Variants in SLMAP observed in about 807,000 individuals in gnomAD.
The protein encoded by SLMAP is sarcolemmal membrane-associated protein.
SLMAP carries 44 observed loss-of-function variants against 128.8 expected under a neutral mutation model. The ratio of observed to expected loss-of-function variants is 0.34; its 90% confidence interval spans 0.27 to 0.44. The LOEUF is 0.44. Ranked by LOEUF, SLMAP falls within the 20% of genes least tolerant of loss-of-function variation. The pLI, the probability that SLMAP is intolerant of heterozygous loss-of-function variation, is 1.00. For missense variants in SLMAP, 787 were observed against 985.3 expected, an observed-to-expected ratio of 0.80 and a Z score of 2.69; for synonymous variants, 327 against 348.8, an observed-to-expected ratio of 0.94 and a Z score of 0.70.
At position 57,927,481 on chromosome 3, in the gene SLMAP, C is replaced by CTT; in HGVS notation, c.*193_*194insTT. ...ACAGAACCATTTTCTTCCTCTTTAC[C>CTT]TCTTAAAACAGCAGAAGTACAAGAA... On this transcript the variant is annotated 3_prime_UTR_variant, in exon 25 of 25. Transcript: ENST00000671191. 1 of 612,464 alleles carries CTT rather than the reference C, an allele frequency of 1.6e-6. No homozygotes were observed. Among genetic ancestry groups the CTT allele is most frequent in the Middle Eastern group, 4.2e-4 (1 of 2,354 alleles). The allele number at this position is 612,464 out of a possible 1,614,324, so 37.9% of individuals were successfully genotyped here. A position where few individuals can be genotyped will look rare whatever the true frequency, so the allele number is the denominator to read the frequency against.
At chr3:57,866,874 C>CAA (rs879765331) in intron 13 of SLMAP, among the ~76,000 whole-genome samples, 8 of 138,418 alleles carry the variant, frequency 5.8e-5, no homozygotes, top group African/African-American at 2.1e-4. Context: ...GACCCTGTCT[C>CAA]AAAAAAAAAA....
chr3:57,873,224 C>T (rs182684219), intron 14 of SLMAP, among the ~76,000 whole-genome samples: 5 of 152,164 alleles, frequency 3.3e-5, no homozygotes, highest in Non-Finnish European at 5.9e-5. Flanking sequence ...AATATTTGGC[C>T]GGGCATGGTG....
At chr3:57,845,924 C>T (rs535051358) in intron 4 of SLMAP, among the ~76,000 whole-genome samples, 3 of 152,048 alleles carry the variant, frequency 2.0e-5, no homozygotes, top group African/African-American at 7.2e-5. Flanking sequence ...TCACTGCAAC[C>T]TCTGCCTCCC....
chr3:57,813,546 A>G (rs925989335), intron 2 of SLMAP, among the ~76,000 whole-genome samples: 6 of 151,924 alleles, frequency 3.9e-5, no homozygotes, highest in African/African-American at 9.7e-5. Context: ...TATTTGGGGG[A>G]AAAAAAAGGA....
intron 2 of SLMAP, among the ~76,000 whole-genome samples, chr3:57,792,305 C>G (rs1471666590): frequency 6.6e-6 from 1 of 151,838 alleles, no homozygotes; most frequent in African/African-American, 2.4e-5. Context: ...CTGAAACAGT[C>G]ATTGTTAGAA....
intron 19 of SLMAP, among the ~76,000 whole-genome samples, chr3:57,910,010 T>G (rs553032331): frequency 1.1e-3 from 170 of 151,954 alleles, no homozygotes; most frequent in African/African-American, 4.0e-3. Flanking sequence ...AGATTTGGAG[T>G]TGGTAAGACT....
At chr3:57,832,328 G>A (rs1025663308) in intron 3 of SLMAP, among the ~76,000 whole-genome samples, 2 of 152,144 alleles carry the variant, frequency 1.3e-5, no homozygotes, top group Non-Finnish European at 2.9e-5. Context: ...AAGATGGAAA[G>A]GTAGTAGAGG....
chr3:57,771,898 C>T (rs957618204), intron 2 of SLMAP, among the ~76,000 whole-genome samples: 2 of 152,192 alleles, frequency 1.3e-5, no homozygotes, highest in Admixed American at 6.6e-5. Flanking sequence ...CAGTAGCATA[C>T]TTAAGATCCG....
chr3:57,868,957 A>ATATATGTGTGTATTATATATAATATATAT (rs2095393732), intron 13 of SLMAP, among the ~76,000 whole-genome samples: 2 of 134,874 alleles, frequency 1.5e-5, no homozygotes, highest in East Asian at 4.0e-4. Flanking sequence ...ATTATATATA[A>ATATATGTGTGTATTATATATAATATATAT]TATATGTGTG....
intron 2 of SLMAP, among the ~76,000 whole-genome samples, chr3:57,786,462 A>G (rs776342131): frequency 5.3e-5 from 8 of 152,202 alleles, no homozygotes; most frequent in Non-Finnish European, 8.8e-5. Context: ...ATTAATACTC[A>G]TATAGGAGAA....
At chr3:57,779,966 A>T (rs761432054) in intron 2 of SLMAP, among the ~76,000 whole-genome samples, 56 of 152,048 alleles carry the variant, frequency 3.7e-4, no homozygotes, top group Admixed American at 2.5e-3. Flanking sequence ...TCATATTTAT[A>T]TGCTTATATT....
rs138107876 is a variant in SLMAP, at chr3:57,759,399, T to A, written c.198+1550T>A. On this transcript the variant is annotated intron_variant, in intron 2 of 24. Transcript: ENST00000671191. ...TTCAAGTGATTCTCCTGCCTCAGCC[T>A]CCAAAGTAGCTGGTATTACAGGCAC... Among the ~76,000 whole-genome samples the A allele has an allele frequency of 3.2e-3, 487 of 151,910 alleles. 3 individuals carry two copies. The highest frequency in any genetic ancestry group is 0.011 in the African/African-American group (465 of 41,388).
chr3:57,786,958 G>A (rs887454720), intron 2 of SLMAP, among the ~76,000 whole-genome samples: 4 of 152,000 alleles, frequency 2.6e-5, no homozygotes, highest in African/African-American at 4.8e-5. Flanking sequence ...GGATGATCTC[G>A]ATCGCCTGAC....
At chr3:57,900,212 A>G (rs1370674224) in intron 17 of SLMAP, 1 of 152,096 alleles carries the variant, frequency 6.6e-6, no homozygotes, top group Non-Finnish European at 1.5e-5. Flanking sequence ...AAAATAGCCA[A>G]TCTTTTTCTT....
chr3:57,807,943 T>G (rs2153507020), intron 2 of SLMAP, among the ~76,000 whole-genome samples: 1 of 152,338 alleles, frequency 6.6e-6, no homozygotes, highest in East Asian at 1.9e-4. Flanking sequence ...TGCCTCCATT[T>G]CAGAACTTGT....
chr3:57,918,802 G>A (rs960833856), intron 22 of SLMAP, among the ~76,000 whole-genome samples: 2 of 152,102 alleles, frequency 1.3e-5, no homozygotes, highest in Non-Finnish European at 2.9e-5. Flanking sequence ...TATGCACAGT[G>A]TCTAATTATG....
In SLMAP at chr3:57,928,263, GA is replaced by G. The variant is rs1285144037; in HGVS notation, c.*975del. On this transcript the variant is annotated 3_prime_UTR_variant, in exon 25 of 25. Transcript: ENST00000671191. ...TCATATACAGCATTTTAGGAAGCATGATTTTTTTTTTCTATCATCTATTCCT... is the reference window on the plus strand; with the variant it reads ...TCATATACAGCATTTTAGGAAGCATGTTTTTTTTTTCTATCATCTATTCCT... 2.6e-5 allele frequency: 4 copies of G among 151,716 alleles called. No homozygotes were observed. The East Asian group carries it at 5.8e-4, about 22-fold the overall frequency. 9.4% of individuals were successfully genotyped at this position (151,716 alleles called of 1,614,324 possible).
chr3:57,796,401 C>G (rs957231047), intron 2 of SLMAP, among the ~76,000 whole-genome samples: 1 of 151,704 alleles, frequency 6.6e-6, no homozygotes, highest in Non-Finnish European at 1.5e-5. Flanking sequence ...GAGCATGGAT[C>G]GTGGAGCCTG....
chr3:57,837,542 T>G (rs1401607209), intron 3 of SLMAP, among the ~76,000 whole-genome samples: 1 of 152,122 alleles, frequency 6.6e-6, no homozygotes, highest in East Asian at 1.9e-4. Flanking sequence ...CTAATTTTTT[T>G]GTATTTTTAG....
Sources: allele counts gnomAD v4.1 joint callset (sites outside exome capture counted in the v4.1 genomes callset), GRCh38; gene constraint gnomAD v4.1.1; transcripts MANE v1.5; gene names NCBI Gene and HGNC (gene_info 2026-07-23, HGNC 2026-07-21).